Variants in BNC2 observed in about 807,000 individuals in gnomAD.
BNC2 encodes the protein basonuclin zinc finger protein 2.
In BNC2, 20 loss-of-function variants were observed where a neutral mutation model predicts 76.3. The observed-to-expected ratio is 0.26, with a 90% CI of 0.18 to 0.38. The LOEUF (loss-of-function observed/expected upper bound fraction) is 0.38, where lower values mean the gene tolerates loss of function less well. Ranked by LOEUF, BNC2 falls within the 10% of genes least tolerant of loss-of-function variation. BNC2 has a pLI of 1.00. For synonymous variants in BNC2, 582 were observed against 514.8 expected (o/e 1.13, Z -1.77); for missense variants, 1,382 against 1,399.8 (o/e 0.99, Z 0.20).
rs781111977 is a variant in BNC2 at position 16,409,898 on chromosome 9, G to A, written c.*9091C>T. On this transcript the variant is annotated 3_prime_UTR_variant, in exon 7 of 7. Transcript: ENST00000380672. ...GCGGCAGGCTTATTGCAAGAGACTG[G>A]TTTTATGCAGATGAGAACAATATAA... 1 of 152,432 alleles carries A rather than the reference G, an allele frequency of 6.6e-6. No individual in the cohort carries two copies. Among genetic ancestry groups the A allele is most frequent in the African/African-American group, 2.4e-5 (1 of 41,384 alleles). The allele number at this position is 152,432 out of a possible 1,614,324, so 9.4% of individuals were successfully genotyped here. A position where few individuals can be genotyped will look rare whatever the true frequency, so the allele number is the denominator to read the frequency against.
At chr9:16,848,857 T>A (rs1183033130) in intron 1 of BNC2, among the ~76,000 whole-genome samples, 1 of 152,226 alleles carries the variant, frequency 6.6e-6, no homozygotes, top group African/African-American at 2.4e-5. Context: ...TGCTTTCTGA[T>A]GTCCACGTAC....
At chr9:16,633,223 T>C (rs1376828074) in intron 3 of BNC2, among the ~76,000 whole-genome samples, 4 of 152,118 alleles carry the variant, frequency 2.6e-5, no homozygotes, top group African/African-American at 9.7e-5. Context: ...GAGAAAAAAC[T>C]CTCTATTTAC....
intron 1 of BNC2, among the ~76,000 whole-genome samples, chr9:16,840,581 G>C (rs1022732277): frequency 5.3e-5 from 8 of 152,114 alleles, no homozygotes; most frequent in African/African-American, 1.9e-4. Flanking sequence ...ACGCACATCT[G>C]TGACAAACAC....
intron 1 of BNC2, among the ~76,000 whole-genome samples, chr9:16,769,300 T>C (rs1184207642): frequency 6.6e-6 from 1 of 152,202 alleles, no homozygotes; most frequent in East Asian, 1.9e-4. Context: ...CTGGAAGTTC[T>C]AGCACAGTGC....
intron 1 of BNC2, among the ~76,000 whole-genome samples, chr9:16,856,626 C>T (rs981102284): frequency 6.6e-6 from 1 of 152,146 alleles, no homozygotes; most frequent in East Asian, 1.9e-4. Flanking sequence ...AAAAATATGG[C>T]TCCAGACCTG....
At chr9:16,621,235 T>C (rs533712496) in intron 3 of BNC2, among the ~76,000 whole-genome samples, 4 of 152,282 alleles carry the variant, frequency 2.6e-5, no homozygotes, top group African/African-American at 9.6e-5. Context: ...TCTGGGATTG[T>C]GAATTCCTTA....
intron 3 of BNC2, among the ~76,000 whole-genome samples, chr9:16,691,006 T>C (rs1028232246): frequency 2.0e-5 from 3 of 152,156 alleles, no homozygotes; most frequent in African/African-American, 7.2e-5. Flanking sequence ...GAGCAACCTC[T>C]GCAGGTACAA....
At chr9:16,567,325 T>C (rs1819198355) in intron 4 of BNC2, among the ~76,000 whole-genome samples, 1 of 151,828 alleles carries the variant, frequency 6.6e-6, no homozygotes, top group African/African-American at 2.4e-5. Flanking sequence ...TGTAAAGTAA[T>C]ATGTACTTTT....
At chr9:16,680,181 T>C (rs190958700) in intron 3 of BNC2, among the ~76,000 whole-genome samples, 1 of 152,148 alleles carries the variant, frequency 6.6e-6, no homozygotes, top group Non-Finnish European at 1.5e-5. Context: ...CGCCATTTAC[T>C]TAGGTTTAGG....
At chr9:16,791,007 C>T (rs746876546) in intron 1 of BNC2, among the ~76,000 whole-genome samples, 4 of 152,084 alleles carry the variant, frequency 2.6e-5, no homozygotes, top group Non-Finnish European at 4.4e-5. Context: ...CTTTGCTGTC[C>T]GCTGATGAAC....
intron 2 of BNC2, among the ~76,000 whole-genome samples, chr9:16,733,884 GAAA>G (rs1213871853): frequency 7.2e-6 from 1 of 139,792 alleles, no homozygotes; most frequent in Non-Finnish European, 1.6e-5. Flanking sequence ...AACTCCATCT[GAAA>G]AAAAAAAAAA....
chr9:16,468,417 G>A (rs1442757961), intron 5 of BNC2, among the ~76,000 whole-genome samples: 2 of 150,814 alleles, frequency 1.3e-5, no homozygotes, highest in Non-Finnish European at 2.9e-5. Context: ...ATTTTTTTGA[G>A]ATGGAGTCTC....
intron 5 of BNC2, among the ~76,000 whole-genome samples, chr9:16,508,993 T>C (rs201303267): frequency 3.9e-5 from 6 of 152,168 alleles, no homozygotes; most frequent in Non-Finnish European, 8.8e-5. Flanking sequence ...GCTGTTTTTT[T>C]AATTATTATT....
rs137861303 is a variant in BNC2, at chr9:16,639,665, C to G, written c.331-56580G>C. ...GGCACACTGGCTCATGCCTGTAATC[C>G]CAGTGCTTTGAGAGGCTGAGGCAGG... On this transcript the variant is annotated intron_variant, in intron 3 of 6. Transcript: ENST00000380672. Among the ~76,000 whole-genome samples, 1,056 of 152,146 alleles carry G rather than the reference C, an allele frequency of 6.9e-3. 10 individuals are homozygous for G. The highest frequency in any genetic ancestry group is 0.023 in the African/African-American group (962 of 41,510).
chr9:16,486,143 G>C (rs894065434), intron 5 of BNC2, among the ~76,000 whole-genome samples: 2 of 152,172 alleles, frequency 1.3e-5, no homozygotes, highest in Admixed American at 1.3e-4. Flanking sequence ...TTTGAGGAAT[G>C]TTGTTTTAAT....
In BNC2 at chr9:16,858,139, G is replaced by A. The variant is rs1019274106; in HGVS notation, c.3+12507C>T. Among the ~76,000 whole-genome samples the A allele has an allele frequency of 3.3e-5, 5 of 152,118 alleles. No homozygotes were observed. In the South Asian group the frequency reaches 8.3e-4, roughly 25 times the overall value. Reference sequence around the variant, plus strand: ...CTGTTGGTGTTTTTCTAGTCATGACGGGATGTCTAGGAAGACAAATTTTCT... The same window carrying A: ...CTGTTGGTGTTTTTCTAGTCATGACAGGATGTCTAGGAAGACAAATTTTCT... On this transcript the variant is annotated intron_variant, in intron 1 of 6. Transcript: ENST00000380672.
At chr9:16,739,527 C>T (rs7035869) in intron 1 of BNC2, among the ~76,000 whole-genome samples, 1 of 152,022 alleles carries the variant, frequency 6.6e-6, no homozygotes, top group Non-Finnish European at 1.5e-5. Context: ...AAGAAGTTAG[C>T]CAGGTGTAGT....
Position 16,676,853 on chromosome 9 carries a change from C to G in BNC2, c.330+50944G>C, listed in dbSNP as rs527410555. 7.9e-5 allele frequency among the ~76,000 whole-genome samples: 12 copies of G among 152,254 alleles called. No homozygotes were observed. In the East Asian group the frequency reaches 2.1e-3, roughly 27 times the overall value. On this transcript the variant is annotated intron_variant, in intron 3 of 6. Coordinates refer to ENST00000380672, the MANE Select transcript of BNC2 (RefSeq NM_017637.6). Reference sequence around the variant, plus strand: ...TTCCCTGTAAATATTCACTAACACACTTCTGAAAGAAAGCACAAGTCACTG... The same window carrying G: ...TTCCCTGTAAATATTCACTAACACAGTTCTGAAAGAAAGCACAAGTCACTG...
intron 5 of BNC2, among the ~76,000 whole-genome samples, chr9:16,438,155 A>T (rs1226208394): frequency 6.6e-6 from 1 of 152,140 alleles, no homozygotes; most frequent in Non-Finnish European, 1.5e-5. Flanking sequence ...AATAGCAGGC[A>T]ATTTCATAAG....
Sources: gnomAD v4.1 joint callset for allele counts (sites outside exome capture counted in the v4.1 genomes callset) on GRCh38, gnomAD v4.1.1 for gene constraint, MANE v1.5 for transcripts, NCBI Gene and HGNC (gene_info 2026-07-23, HGNC 2026-07-21) for gene names.